Variants in STAG1 observed in about 807,000 individuals in gnomAD.
STAG1 encodes cohesin subunit SA-1.
In STAG1, 26 loss-of-function variants were observed where a neutral mutation model predicts 170.9. The ratio of observed to expected loss-of-function variants is 0.15; its 90% CI spans 0.11 to 0.21. The LOEUF (loss-of-function observed/expected upper bound fraction) is 0.21. STAG1 is among the 10% of genes least tolerant of loss of function. The pLI, the probability that STAG1 is intolerant of heterozygous loss-of-function variation, is 1.00. For missense variants in STAG1, 964 were observed against 1,509.5 expected, an observed-to-expected ratio of 0.64 and a Z score of 5.99; for synonymous variants, 514 against 497.7, an observed-to-expected ratio of 1.03 and a Z score of -0.44.
chr3:136,695,808 G>C (rs760397468), intron 1 of STAG1, among the ~76,000 whole-genome samples: 20 of 151,256 alleles, frequency 1.3e-4, no homozygotes, highest in Non-Finnish European at 1.8e-4. Flanking sequence ...GACTTACCAA[G>C]TGGGGGAAAA....
chr3:136,676,633 GGA>G (rs1267529331), intron 1 of STAG1, among the ~76,000 whole-genome samples: 1 of 151,940 alleles, frequency 6.6e-6, no homozygotes, highest in African/African-American at 2.4e-5. Context: ...TTGTATTTGT[GGA>G]GATAGGGTTT....
chr3:136,377,519 C>T (rs1254586280), intron 23 of STAG1, 141 bp downstream of exon 23: 6 of 598,424 alleles, frequency 1.0e-5, no homozygotes, highest in African/African-American at 1.9e-5. Context: ...TAAATTCACA[C>T]ATCTACAGTC....
chr3:136,691,916 A>C (rs1444592425), intron 1 of STAG1, among the ~76,000 whole-genome samples: 1 of 152,220 alleles, frequency 6.6e-6, no homozygotes, highest in African/African-American at 2.4e-5. Context: ...AAGGACTTTC[A>C]GTACAGTCCT....
chr3:136,548,234 T>C (rs916785223), intron 5 of STAG1, among the ~76,000 whole-genome samples: 18 of 151,770 alleles, frequency 1.2e-4, no homozygotes, highest in Admixed American at 1.2e-3. Context: ...CCACCTCACC[T>C]CCCAAGTAGC....
chr3:136,720,105 G>A (rs1933146131), intron 1 of STAG1, among the ~76,000 whole-genome samples: 2 of 151,532 alleles, frequency 1.3e-5, no homozygotes, highest in Admixed American at 6.6e-5. Context: ...GAACTCGGGA[G>A]GCAGAGGTTG....
chr3:136,438,892 A>T (rs950451970), intron 15 of STAG1, among the ~76,000 whole-genome samples: 2 of 152,132 alleles, frequency 1.3e-5, no homozygotes, highest in Admixed American at 1.3e-4. Context: ...TAACCAAAGA[A>T]GATTATCTAG....
intron 3 of STAG1, among the ~76,000 whole-genome samples, chr3:136,618,021 G>GT (rs1209195484): frequency 6.6e-6 from 1 of 152,114 alleles, no homozygotes; most frequent in African/African-American, 2.4e-5. Context: ...AATAAAAACT[G>GT]TATCTTTTTA....
At chr3:136,445,041 G>A (rs1027769495) in intron 14 of STAG1, among the ~76,000 whole-genome samples, 1 of 56,916 alleles carries the variant, frequency 1.8e-5, no homozygotes, top group Non-Finnish European at 4.0e-5. Flanking sequence ...TTTTTTTTTT[G>A]TAGAGACGGG....
chr3:136,378,042 T>C (rs1010415468), intron 22 of STAG1, among the ~76,000 whole-genome samples: 1 of 152,202 alleles, frequency 6.6e-6, no homozygotes, highest in African/African-American at 2.4e-5. Flanking sequence ...TGATTAAAAT[T>C]GCTAGTCATT....
At chr3:136,466,262 C>T (rs567697143) in intron 12 of STAG1, among the ~76,000 whole-genome samples, 175 of 152,134 alleles carry the variant, frequency 1.2e-3, no homozygotes, top group African/African-American at 2.4e-3. Flanking sequence ...TGAAAAAAGA[C>T]TAGATGAATG....
intron 1 of STAG1, among the ~76,000 whole-genome samples, chr3:136,688,243 G>A (rs1942603281): frequency 6.6e-6 from 1 of 152,134 alleles, no homozygotes; most frequent in Non-Finnish European, 1.5e-5. Context: ...GCGACAGGGA[G>A]CAATATGAAC....
intron 15 of STAG1, among the ~76,000 whole-genome samples, chr3:136,437,862 A>T (rs1255424430): frequency 1.3e-5 from 2 of 152,058 alleles, no homozygotes; most frequent in Non-Finnish European, 2.9e-5. Flanking sequence ...TTTATAAGCC[A>T]TCTCCCTCTT....
intron 9 of STAG1, among the ~76,000 whole-genome samples, chr3:136,485,899 A>T (rs1161490491): frequency 2.0e-4 from 30 of 152,244 alleles, no homozygotes; most frequent in Admixed American, 2.0e-3. Context: ...ATTATAAATT[A>T]CATATTCTCT....
intron 6 of STAG1, among the ~76,000 whole-genome samples, chr3:136,538,559 C>T (rs966089707): frequency 6.6e-6 from 1 of 152,042 alleles, no homozygotes. Flanking sequence ...ATTGAAATTA[C>T]AGGCATGTGC....
At chr3:136,592,855 C>A (rs189493035) in intron 4 of STAG1, among the ~76,000 whole-genome samples, 2 of 152,202 alleles carry the variant, frequency 1.3e-5, no homozygotes. Context: ...CCAGCAATAA[C>A]CACTGTAGAC....
intron 3 of STAG1, among the ~76,000 whole-genome samples, chr3:136,621,094 C>G (rs1939829380): frequency 6.6e-6 from 1 of 151,866 alleles, no homozygotes; most frequent in South Asian, 2.1e-4. Context: ...TGCCACTGCA[C>G]TGCACTCCAG....
At chr3:136,713,260 C>T (rs1427302721) in intron 1 of STAG1, among the ~76,000 whole-genome samples, 3 of 152,004 alleles carry the variant, frequency 2.0e-5, no homozygotes, top group Non-Finnish European at 4.4e-5. Flanking sequence ...ATCTCACAAA[C>T]AATGCTGAGC....
Position 136,341,443 on chromosome 3 carries a change from A to C in STAG1, c.3555T>G (p.Ala1185=). ...YMKVRTGVRH[A]VRGLMEEDAE... is the part of the protein sequence containing the mutation. ...GTGATACTCCATGTAACACTTACAC[A>C]GCATGCCTCACTCCAGTTCTCACTT... The change falls in exon 31 of 34, where the codon GCT becomes GCG. Residue 1185 remains alanine (A), a splice_region_variant and synonymous_variant. Transcript: ENST00000383202. 1 of 1,596,676 alleles carries C rather than the reference A, an allele frequency of 6.3e-7. No individual in the cohort carries two copies. The highest frequency in any genetic ancestry group is 8.6e-7 in the Non-Finnish European group (1 of 1,164,532).
intron 1 of STAG1, among the ~76,000 whole-genome samples, chr3:136,733,116 A>T (rs1055094989): frequency 7.7e-5 from 9 of 117,406 alleles, no homozygotes; most frequent in African/African-American, 2.7e-4. Context: ...AGACAGTCTC[A>T]CTCTGTCACC....
Sources: allele counts gnomAD v4.1 joint callset (sites outside exome capture counted in the v4.1 genomes callset), GRCh38; gene constraint gnomAD v4.1.1; transcripts MANE v1.5; gene names NCBI Gene and HGNC (gene_info 2026-07-23, HGNC 2026-07-21).